The following CNTNAP2 variants were observed in gnomAD, a reference collection of about 807,000 sequenced individuals.
The protein encoded by CNTNAP2 is contactin-associated protein-like 2.
A neutral mutation model predicts 155.2 loss-of-function variants in CNTNAP2; 98 were observed. The ratio of observed to expected loss-of-function variants is 0.63; its 90% confidence interval spans 0.54 to 0.75. CNTNAP2 has a LOEUF of 0.75. CNTNAP2 is among the 30% of genes least tolerant of loss of function. CNTNAP2 has a pLI of 0.00. For synonymous variants in CNTNAP2, 651 were observed against 631.2 expected (o/e 1.03, Z -0.47); for missense variants, 1,727 against 1,688.1 (o/e 1.02, Z -0.40).
chr7:147,120,562 C>T (rs1022843798), intron 5 of CNTNAP2, among the ~76,000 whole-genome samples: 5 of 151,988 alleles, frequency 3.3e-5, no homozygotes, highest in African/African-American at 7.2e-5. Flanking sequence ...ATAACTTGTA[C>T]GTACTTTGAA....
chr7:147,547,691 A>G (rs1799767198), intron 11 of CNTNAP2, among the ~76,000 whole-genome samples: 1 of 152,038 alleles, frequency 6.6e-6, no homozygotes, highest in Non-Finnish European at 1.5e-5. Flanking sequence ...CAGGTTTGTT[A>G]CATAGGTCTA....
chr7:147,731,282 G>C (rs1186409673), intron 13 of CNTNAP2, among the ~76,000 whole-genome samples: 1 of 152,086 alleles, frequency 6.6e-6, no homozygotes, highest in East Asian at 1.9e-4. Context: ...TGGATGTCTG[G>C]CTTCAGGACT....
intron 21 of CNTNAP2, among the ~76,000 whole-genome samples, chr7:148,323,345 CT>C (rs146448452): frequency 5.9e-4 from 30 of 51,274 alleles, no homozygotes; most frequent in South Asian, 1.3e-3. Flanking sequence ...TAGGTTTATT[CT>C]TTTTTTTTTA....
chr7:148,065,278 G>T (rs1803234879), intron 15 of CNTNAP2, among the ~76,000 whole-genome samples: 1 of 152,058 alleles, frequency 6.6e-6, no homozygotes, highest in Non-Finnish European at 1.5e-5. Flanking sequence ...GTTGTTGGGT[G>T]GAATGTTCTG....
intron 15 of CNTNAP2, among the ~76,000 whole-genome samples, chr7:148,092,679 G>A (rs1339088633): frequency 6.6e-6 from 1 of 152,114 alleles, no homozygotes; most frequent in Non-Finnish European, 1.5e-5. Context: ...TTCTCTCGAT[G>A]TACCTCCAAT....
intron 13 of CNTNAP2, among the ~76,000 whole-genome samples, chr7:147,813,660 A>C (rs1425215889): frequency 3.3e-5 from 5 of 152,200 alleles, no homozygotes. Flanking sequence ...TTAATTCTCC[A>C]ATGTTACTTC....
intron 8 of CNTNAP2, among the ~76,000 whole-genome samples, chr7:147,148,529 A>G (rs181229856): frequency 6.6e-6 from 1 of 152,306 alleles, no homozygotes; most frequent in Admixed American, 6.5e-5. Context: ...GGTTCCTTCC[A>G]GTGGGTTTTT....
intron 13 of CNTNAP2, among the ~76,000 whole-genome samples, chr7:147,747,197 C>T (rs1404688992): frequency 3.3e-5 from 5 of 152,208 alleles, no homozygotes; most frequent in African/African-American, 9.7e-5. Flanking sequence ...TTTTTCATCT[C>T]GATTAGCACA....
intron 4 of CNTNAP2, among the ~76,000 whole-genome samples, chr7:147,048,067 ATTT>A (rs11352009): frequency 5.5e-4 from 50 of 90,366 alleles, no homozygotes; most frequent in African/African-American, 2.2e-3. Context: ...CGGAGAGACA[ATTT>A]TTTTTTTTTT....
rs541848392 is a variant in CNTNAP2 at position 147,658,027 on chromosome 7, C to T, written c.2098+18721C>T. On this transcript the variant is annotated intron_variant, in intron 13 of 23. Transcript: ENST00000361727. ...ATCCCAGCACTTTGGGAGGCCGAGG[C>T]GGGCGGATCACGAGGTCAGGAGATC... Among the ~76,000 whole-genome samples the T allele has an allele frequency of 1.5e-3, 178 of 118,410 alleles. 8 individuals carry two copies. The highest frequency in any genetic ancestry group is 4.6e-3 in the African/African-American group (166 of 35,776). 77.7% of individuals were successfully genotyped at this position (118,410 alleles called of 152,430 possible).
intron 10 of CNTNAP2, among the ~76,000 whole-genome samples, chr7:147,432,745 A>G (rs988626060): frequency 9.2e-5 from 14 of 152,246 alleles, no homozygotes; most frequent in African/African-American, 3.1e-4. Flanking sequence ...TCTTTCTGGA[A>G]CATCCTGCCC....
intron 1 of CNTNAP2, among the ~76,000 whole-genome samples, chr7:146,501,966 G>A (rs1797306522): frequency 6.6e-6 from 1 of 151,868 alleles, no homozygotes; most frequent in Non-Finnish European, 1.5e-5. Context: ...GTATTTGTTT[G>A]TGTACCCATT....
At chr7:148,044,652 A>G (rs1485742897) in intron 15 of CNTNAP2, 2 of 152,246 alleles carry the variant, frequency 1.3e-5, no homozygotes, top group Non-Finnish European at 2.9e-5. Flanking sequence ...GGCCCTCATC[A>G]GACACCAAAT....
At chr7:146,284,096 T>G (rs1477599480) in intron 1 of CNTNAP2, among the ~76,000 whole-genome samples, 1 of 152,228 alleles carries the variant, frequency 6.6e-6, no homozygotes, top group Non-Finnish European at 1.5e-5. Context: ...CATCCACTAT[T>G]GTTATTAAAT....
chr7:146,821,601 C>G (rs1221355591), intron 2 of CNTNAP2, among the ~76,000 whole-genome samples: 2 of 152,028 alleles, frequency 1.3e-5, no homozygotes, highest in Non-Finnish European at 2.9e-5. Flanking sequence ...CCAGAATCTA[C>G]AATGAACTCC....
chr7:147,199,004 C>A (rs1189926675), intron 8 of CNTNAP2, among the ~76,000 whole-genome samples: 2 of 148,812 alleles, frequency 1.3e-5, no homozygotes, highest in African/African-American at 5.0e-5. Flanking sequence ...CTCTGTCACC[C>A]AGGCTGGAGT....
At chr7:146,315,503 G>C (rs1800892007) in intron 1 of CNTNAP2, among the ~76,000 whole-genome samples, 1 of 152,096 alleles carries the variant, frequency 6.6e-6, no homozygotes, top group African/African-American at 2.4e-5. Flanking sequence ...ATAGTTGTCA[G>C]GTGTGTAGGA....
chr7:146,971,802 C>A (rs1255805793), intron 3 of CNTNAP2, among the ~76,000 whole-genome samples: 1 of 152,076 alleles, frequency 6.6e-6, no homozygotes, highest in Non-Finnish European at 1.5e-5. Context: ...CTGCTAATAC[C>A]CCCACCTGCT....
At chr7:147,080,279 T>C (rs1800095097) in intron 4 of CNTNAP2, among the ~76,000 whole-genome samples, 1 of 152,200 alleles carries the variant, frequency 6.6e-6, no homozygotes, top group Non-Finnish European at 1.5e-5. Context: ...AACATGGGAA[T>C]AATTATCCAA....
Sources: allele counts gnomAD v4.1 joint callset (sites outside exome capture counted in the v4.1 genomes callset), GRCh38; gene constraint gnomAD v4.1.1; transcripts MANE v1.5; gene names NCBI Gene and HGNC (gene_info 2026-07-23, HGNC 2026-07-21).